CCDC141: variants seen among roughly 807,000 people sequenced by gnomAD.
CCDC141 encodes coiled-coil domain-containing protein 141.
Under a neutral mutation model 181.0 loss-of-function variants are expected in CCDC141, and 168 were observed. That is an observed-to-expected ratio of 0.93 (90% CI 0.82 to 1.05). The LOEUF is 1.05. Among genes scored for constraint, CCDC141 ranks in the 50% least tolerant of loss-of-function variants. The pLI, the probability that CCDC141 is intolerant of heterozygous loss-of-function variation, is 0.00. For synonymous variants in CCDC141, 666 were observed against 642.3 expected, an observed-to-expected ratio of 1.04 and a Z score of -0.56; for missense variants, 1,902 against 1,788.5, an observed-to-expected ratio of 1.06 and a Z score of -1.14.
chr2:178,992,292 T>C (rs1692090630), intron 2 of CCDC141, among the ~76,000 whole-genome samples: 2 of 151,598 alleles, frequency 1.3e-5, no homozygotes, highest in South Asian at 2.1e-4. Flanking sequence ...ATATGTTATT[T>C]TTATTATTGG....
the CCDC141 span, among the ~76,000 whole-genome samples, chr2:178,815,342 A>C: frequency 6.6e-6 from 1 of 152,202 alleles, no homozygotes; most frequent in Non-Finnish European, 1.5e-5. Context: ...CTAATTGCTT[A>C]TTACCATATC....
chr2:178,933,137 G>A (rs1200938102), intron 6 of CCDC141, among the ~76,000 whole-genome samples: 1 of 152,258 alleles, frequency 6.6e-6, no homozygotes, highest in Non-Finnish European at 1.5e-5. Flanking sequence ...TTTTAATCTT[G>A]AGGCTGAGAT....
At chr2:178,885,180 T>G in intron 10 of CCDC141, 88 bp from the exon 11 acceptor site, 1 of 808,638 alleles carries the variant, frequency 1.2e-6, no homozygotes, top group Non-Finnish European at 1.9e-6. Flanking sequence ...CCACCAATTA[T>G]GATCACTAAT....
At chr2:178,966,504 C>T (rs1690639755) in intron 4 of CCDC141, among the ~76,000 whole-genome samples, 1 of 152,144 alleles carries the variant, frequency 6.6e-6, no homozygotes, top group Non-Finnish European at 1.5e-5. Flanking sequence ...CCAGCAAACT[C>T]CAGCAGACCT....
the CCDC141 span, among the ~76,000 whole-genome samples, chr2:178,824,735 T>C: frequency 6.6e-6 from 1 of 151,626 alleles, no homozygotes; most frequent in Non-Finnish European, 1.5e-5. Flanking sequence ...CCATCTTTCA[T>C]GGTGTTCATA....
intron 7 of CCDC141, 44 bp downstream of exon 7, chr2:178,918,669 G>C: frequency 6.7e-7 from 1 of 1,494,952 alleles, no homozygotes; most frequent in Non-Finnish European, 9.1e-7. Flanking sequence ...TCTTTTACTG[G>C]TCTGCCTGAT....
chr2:179,050,016 C>T lies in CCDC141; in HGVS notation c.-75G>A. 6.5e-7 allele frequency: 1 copy of T among 1,542,720 alleles called. No homozygotes were observed. The highest frequency in any genetic ancestry group is 8.8e-7 in the Non-Finnish European group (1 of 1,142,756). Reference sequence around the variant, plus strand: ...GTGTCTGCTGGTCATTTCAGAAGGCCAGGGTTACTTGGATTCATTCAGGGA... The same window carrying T: ...GTGTCTGCTGGTCATTTCAGAAGGCTAGGGTTACTTGGATTCATTCAGGGA... On this transcript the variant is annotated 5_prime_UTR_variant, in exon 1 of 24. Transcript: ENST00000443758.
intron 2 of CCDC141, among the ~76,000 whole-genome samples, chr2:179,037,167 G>GA (rs1222241728): frequency 6.6e-6 from 1 of 152,188 alleles, no homozygotes; most frequent in Non-Finnish European, 1.5e-5. Flanking sequence ...TAGTTCAGTG[G>GA]ATCTGTGGAA....
intron 5 of CCDC141, among the ~76,000 whole-genome samples, chr2:178,960,392 C>T (rs1361502137): frequency 6.6e-6 from 1 of 152,138 alleles, no homozygotes; most frequent in Non-Finnish European, 1.5e-5. Flanking sequence ...ATGAATGTCT[C>T]TTCAATTTGG....
At chr2:178,961,539 C>T (rs1690402505) in intron 4 of CCDC141, 56 bp from the exon 5 acceptor site, 3 of 1,290,384 alleles carry the variant, frequency 2.3e-6, no homozygotes, top group Non-Finnish European at 3.2e-6. Context: ...TTTTATACAG[C>T]AATATTCAGA....
chr2:179,032,979 T>C (rs1459951876), intron 2 of CCDC141, among the ~76,000 whole-genome samples: 2 of 148,148 alleles, frequency 1.3e-5, no homozygotes, highest in Non-Finnish European at 1.5e-5. Context: ...TATACATTAT[T>C]ATATATCTCA....
At chr2:179,011,300 C>A (rs566982330) in intron 2 of CCDC141, among the ~76,000 whole-genome samples, 43 of 152,168 alleles carry the variant, frequency 2.8e-4, no homozygotes, top group Non-Finnish European at 4.7e-4. Flanking sequence ...AAATGGACAC[C>A]AAAAATGAGC....
At chr2:179,000,094 A>G (rs1446016765) in intron 2 of CCDC141, among the ~76,000 whole-genome samples, 1 of 144,224 alleles carries the variant, frequency 6.9e-6, no homozygotes, top group Non-Finnish European at 1.5e-5. Context: ...ACACACACAC[A>G]CACAATTAGA....
chr2:178,993,373 T>C (rs1349600936), intron 2 of CCDC141, among the ~76,000 whole-genome samples: 1 of 152,122 alleles, frequency 6.6e-6, no homozygotes, highest in African/African-American at 2.4e-5. Context: ...GAGGAGCAAG[T>C]CACATCTTAC....
chr2:178,901,875 A>T (rs1370730590), intron 8 of CCDC141, among the ~76,000 whole-genome samples: 1 of 152,186 alleles, frequency 6.6e-6, no homozygotes, highest in Non-Finnish European at 1.5e-5. Context: ...CTCAGCCCAA[A>T]ATCTCCTTAA....
At chr2:178,991,661 A>G (rs571376152) in intron 2 of CCDC141, among the ~76,000 whole-genome samples, 38 of 152,238 alleles carry the variant, frequency 2.5e-4, no homozygotes, top group African/African-American at 8.9e-4. Flanking sequence ...ATATTTCAAA[A>G]TAACTAAAAG....
intron 7 of CCDC141, among the ~76,000 whole-genome samples, chr2:178,916,004 A>G (rs1180258120): frequency 6.6e-6 from 1 of 152,032 alleles, no homozygotes; most frequent in Non-Finnish European, 1.5e-5. Context: ...GCTATAATCA[A>G]TCACCTCTGA....
intron 22 of CCDC141, among the ~76,000 whole-genome samples, chr2:178,842,449 T>A (rs1421907881): frequency 6.6e-6 from 1 of 152,240 alleles, no homozygotes; most frequent in East Asian, 1.9e-4. Flanking sequence ...CTTATCTCTG[T>A]CAGGACTTCT....
chr2:178,891,506 T>C (rs1033327013), intron 8 of CCDC141, among the ~76,000 whole-genome samples: 7 of 152,146 alleles, frequency 4.6e-5, no homozygotes, highest in African/African-American at 1.7e-4. Flanking sequence ...GAGTTGAGTG[T>C]TCTCGGCTGT....
Sources: allele counts gnomAD v4.1 joint callset (sites outside exome capture counted in the v4.1 genomes callset), GRCh38; gene constraint gnomAD v4.1.1; transcripts MANE v1.5; gene names NCBI Gene and HGNC (gene_info 2026-07-23, HGNC 2026-07-21).